Variants in XXYLT1 observed in about 807,000 individuals in gnomAD.
The protein encoded by XXYLT1 is UDP-xylose:alpha-xyloside alpha-1,3-xylosyltransferase.
In XXYLT1, 20 loss-of-function variants were observed where a neutral mutation model predicts 28.9. The ratio of observed to expected loss-of-function variants is 0.69; its 90% CI spans 0.49 to 1.00. The LOEUF is 1.00. XXYLT1 is among the 50% of genes least tolerant of loss of function. XXYLT1 has a pLI of 0.00. For synonymous variants in XXYLT1, 257 were observed against 253.8 expected (o/e 1.01, Z -0.12); for missense variants, 542 against 560.1 (o/e 0.97, Z 0.33).
At chr3:195,175,511 T>TG in intron 2 of XXYLT1, 1 of 1,469,724 alleles carries the variant, frequency 6.8e-7, no homozygotes, top group Non-Finnish European at 9.1e-7. Flanking sequence ...GCATGTTGAC[T>TG]TTGCTGCACC....
chr3:195,136,784 T>C (rs1719224229), intron 3 of XXYLT1, among the ~76,000 whole-genome samples: 1 of 152,052 alleles, frequency 6.6e-6, no homozygotes, highest in Non-Finnish European at 1.5e-5. Flanking sequence ...TGCATGTCTG[T>C]CAAAGGGCAT....
At chr3:195,127,830 T>C (rs1300187146) in intron 3 of XXYLT1, among the ~76,000 whole-genome samples, 1 of 152,074 alleles carries the variant, frequency 6.6e-6, no homozygotes, top group African/African-American at 2.4e-5. Context: ...AGAGGAAGTA[T>C]TAATAAAAAG....
chr3:195,213,287 G>A (rs1301435766), intron 2 of XXYLT1, among the ~76,000 whole-genome samples: 3 of 144,212 alleles, frequency 2.1e-5, no homozygotes, highest in South Asian at 2.2e-4. Flanking sequence ...TTTTTGAGAC[G>A]GAGCTTCGCT....
At chr3:195,224,359 C>CCAGAG (rs1483479136) in intron 2 of XXYLT1, among the ~76,000 whole-genome samples, 1 of 152,204 alleles carries the variant, frequency 6.6e-6, no homozygotes, top group Admixed American at 6.5e-5. Context: ...AAAGCTCTAG[C>CCAGAG]CAGAGCCTTT....
chr3:195,201,927 T>C (rs910068334), intron 2 of XXYLT1, among the ~76,000 whole-genome samples: 16 of 152,124 alleles, frequency 1.1e-4, no homozygotes, highest in Middle Eastern at 3.4e-3. Flanking sequence ...ACCTGTAATC[T>C]CAGCACTTTG....
In XXYLT1 at chr3:195,129,912, C is replaced by T. The variant is rs958766664; in HGVS notation, c.785+26537G>A. On this transcript the variant is annotated intron_variant, in intron 3 of 3. Transcript: ENST00000310380. This position sits in a 1 kb window ranked among gnomAD's most constrained non-coding sequence, Gnocchi z 4.4. ...ACTGTTCTTCAGAGCAGCTGTACCA[C>T]TTCATATTCCCACCACCAGTGAGTG... Among the ~76,000 whole-genome samples, 1 of 152,198 alleles carries T rather than the reference C, an allele frequency of 6.6e-6. No homozygotes were observed.
chr3:195,083,282 T>A (rs546238597), intron 3 of XXYLT1, among the ~76,000 whole-genome samples: 8 of 152,312 alleles, frequency 5.3e-5, no homozygotes, highest in African/African-American at 1.9e-4. Flanking sequence ...CGAGCCTGTC[T>A]ACCTGTGTGT....
At chr3:195,175,982 G>T in intron 2 of XXYLT1, 6 of 1,160,674 alleles carry the variant, frequency 5.2e-6, no homozygotes, top group Non-Finnish European at 6.7e-6. Flanking sequence ...CTAACACAGA[G>T]GTCATCAGTG....
chr3:195,180,556 A>G lies in XXYLT1; in HGVS notation c.653-23975T>C. ...ACAAACAGATAAGGGTCAGCATCTG[A>G]GGCCAGACCCTAAGGCCCTTCCCAG... On this transcript the variant is annotated intron_variant, in intron 2 of 3. Coordinates refer to ENST00000310380, the MANE Select transcript of XXYLT1 (RefSeq NM_152531.5). This position sits in a 1 kb window ranked among gnomAD's most constrained non-coding sequence, Gnocchi z 5.8. The G allele has an allele frequency of 1.0e-6, 1 of 985,430 alleles. No individual in the cohort carries two copies. Among genetic ancestry groups the G allele is most frequent in the Admixed American group, 6.1e-5 (1 of 16,286 alleles). The allele number at this position is 985,430 out of a possible 1,614,324, so 61.0% of individuals were successfully genotyped here. A position where few individuals can be genotyped will look rare whatever the true frequency, so the allele number is the denominator to read the frequency against.
Position 195,077,882 on chromosome 3 carries a change from C to A in XXYLT1, c.786-7771G>T, listed in dbSNP as rs1362261643. On this transcript the variant is annotated intron_variant, in intron 3 of 3. Transcript: ENST00000310380. This position sits in a 1 kb window ranked among gnomAD's most constrained non-coding sequence, Gnocchi z 4.8. ...CTGGCCCTCCGCTCCCCGTGCCCAGCCTGCCTGGGGTTGTCAGTCACGTGA... is the reference window on the plus strand; with the variant it reads ...CTGGCCCTCCGCTCCCCGTGCCCAGACTGCCTGGGGTTGTCAGTCACGTGA... Among the ~76,000 whole-genome samples the A allele has an allele frequency of 1.3e-5, 2 of 152,168 alleles. No individual in the cohort carries two copies. The highest frequency in any genetic ancestry group is 6.5e-5 in the Admixed American group (1 of 15,286).
At chr3:195,112,579 GCACGCA>G (rs1717812492) in intron 3 of XXYLT1, among the ~76,000 whole-genome samples, 1 of 135,802 alleles carries the variant, frequency 7.4e-6, no homozygotes, top group African/African-American at 2.8e-5. Context: ...GCACACACAC[GCACGCA>G]CACACACACA....
chr3:195,223,983 T>C (rs1323246764), intron 2 of XXYLT1, among the ~76,000 whole-genome samples: 1 of 151,722 alleles, frequency 6.6e-6, no homozygotes, highest in African/African-American at 2.4e-5. Flanking sequence ...ATGGAGAAAC[T>C]CCGTCTCTAC....
intron 1 of XXYLT1, among the ~76,000 whole-genome samples, chr3:195,250,592 C>T (rs1411578048): frequency 1.3e-5 from 2 of 151,942 alleles, no homozygotes; most frequent in Admixed American, 6.6e-5. Context: ...ACTGCAACCA[C>T]CCCCATACTC....
rs993435981 is a variant in XXYLT1 at position 195,077,660 on chromosome 3, G to C, written c.786-7549C>G. ...CGGCCTGGGGCTGGACGTCGTAGGG[G>C]GTGAATGGCCCTGATGGCAAGGCCT... On this transcript the variant is annotated intron_variant, in intron 3 of 3. Transcript: ENST00000310380. This position sits in a 1 kb window ranked among gnomAD's most constrained non-coding sequence, Gnocchi z 4.8. Among the ~76,000 whole-genome samples the C allele has an allele frequency of 3.9e-5, 6 of 152,162 alleles. No homozygotes were observed. The highest frequency in any genetic ancestry group is 7.4e-5 in the Non-Finnish European group (5 of 68,020).
chr3:195,253,507 T>C (rs1307424519), intron 1 of XXYLT1, among the ~76,000 whole-genome samples: 4 of 149,776 alleles, frequency 2.7e-5, no homozygotes, highest in Non-Finnish European at 4.5e-5. Context: ...TTTTTTCTTT[T>C]TTTTTTTTTT....
chr3:195,246,600 AGCAGAG>A (rs1263946643), intron 1 of XXYLT1, among the ~76,000 whole-genome samples: 3 of 152,214 alleles, frequency 2.0e-5, no homozygotes, highest in Non-Finnish European at 4.4e-5. Context: ...ATGAGCAGTG[AGCAGAG>A]GCAGAGGGGG....
At chr3:195,118,968 A>G (rs1011817808) in intron 3 of XXYLT1, among the ~76,000 whole-genome samples, 1 of 152,088 alleles carries the variant, frequency 6.6e-6, no homozygotes, top group Non-Finnish European at 1.5e-5. Context: ...TTTGAGCCTC[A>G]GTTTTGTCTT....
Position 195,173,409 on chromosome 3 carries a change from AC to A in XXYLT1, c.653-16829del. On this transcript the variant is annotated intron_variant, in intron 2 of 3. Coordinates refer to ENST00000310380, the MANE Select transcript of XXYLT1 (RefSeq NM_152531.5). The surrounding 1 kb of genome is among the most constrained non-coding windows in gnomAD (Gnocchi z 4.3). ...TGGCCTCATTCTCCTTTGTGTTGTTACCTAGGAGGTGCTCGACACTAAGTAA... is the reference window on the plus strand; with the variant it reads ...TGGCCTCATTCTCCTTTGTGTTGTTACTAGGAGGTGCTCGACACTAAGTAA... Among the ~76,000 whole-genome samples the A allele has an allele frequency of 6.6e-6, 1 of 152,100 alleles. No individual in the cohort carries two copies. The highest frequency in any genetic ancestry group is 1.5e-5 in the Non-Finnish European group (1 of 68,008).
chr3:195,184,919 G>T, intron 2 of XXYLT1: 1 of 746,798 alleles, frequency 1.3e-6, no homozygotes, highest in Non-Finnish European at 1.6e-6. Flanking sequence ...TTTCAGTTTC[G>T]TTTGATCAAA....
Sources: allele counts gnomAD v4.1 joint callset (sites outside exome capture counted in the v4.1 genomes callset), GRCh38; gene constraint gnomAD v4.1.1; non-coding constraint Gnocchi (gnomAD v3.1); transcripts MANE v1.5; gene names NCBI Gene and HGNC (gene_info 2026-07-23, HGNC 2026-07-21).